Variants in NUGGC observed in about 807,000 individuals in gnomAD.
NUGGC encodes nuclear GTPase, germinal center associated.
A neutral mutation model predicts 92.6 loss-of-function variants in NUGGC; 58 were observed. The observed-to-expected ratio is 0.63, with a 90% CI of 0.51 to 0.78. The LOEUF is 0.78. NUGGC is among the 30% of genes least tolerant of loss of function. The pLI is 0.00. For synonymous variants in NUGGC, 376 were observed against 366.4 expected, an observed-to-expected ratio of 1.03 and a Z score of -0.30; for missense variants, 925 against 964.6, an observed-to-expected ratio of 0.96 and a Z score of 0.54.
intron 8 of NUGGC, among the ~76,000 whole-genome samples, chr8:28,059,813 G>A (rs140363679): frequency 0.018 from 2,675 of 152,152 alleles, 62 homozygotes; most frequent in African/African-American, 0.059. Context: ...CCTGAGGTCC[G>A]GAGTTCAAGA....
At chr8:28,063,941 A>G (rs751059886) in intron 7 of NUGGC, among the ~76,000 whole-genome samples, 47 of 152,094 alleles carry the variant, frequency 3.1e-4, no homozygotes, top group Non-Finnish European at 5.0e-4. Flanking sequence ...CACATGCCCC[A>G]GTCCCTCTCT....
intron 2 of NUGGC, among the ~76,000 whole-genome samples, chr8:28,072,893 A>T (rs952867136): frequency 5.3e-5 from 8 of 151,416 alleles, no homozygotes; most frequent in African/African-American, 1.9e-4. Flanking sequence ...GCGGCAGTCC[A>T]AAAAGCGTAG....
intron 2 of NUGGC, among the ~76,000 whole-genome samples, chr8:28,073,171 T>C (rs540031556): frequency 2.7e-5 from 2 of 75,192 alleles, no homozygotes; most frequent in East Asian, 5.4e-4. Flanking sequence ...CTGGCTAATT[T>C]TTTTTTCTTT....
chr8:28,075,994 G>A (rs146239678), intron 1 of NUGGC, among the ~76,000 whole-genome samples: 33 of 152,250 alleles, frequency 2.2e-4, no homozygotes, highest in African/African-American at 6.7e-4. Flanking sequence ...TCCTGCTCTT[G>A]CTTCAAAATC....
intron 17 of NUGGC, 106 bp downstream of exon 17, chr8:28,029,160 C>T (rs906506373): frequency 8.8e-7 from 1 of 1,140,740 alleles, no homozygotes; most frequent in African/African-American, 1.6e-5. Context: ...AGCATCTGTT[C>T]CATTTGGACC....
intron 1 of NUGGC, among the ~76,000 whole-genome samples, chr8:28,082,950 T>G (rs1389827224): frequency 6.6e-6 from 1 of 152,052 alleles, no homozygotes; most frequent in Non-Finnish European, 1.5e-5. Context: ...AACAGAAAAG[T>G]AAAATTCACT....
At chr8:28,046,859 G>C (rs1307485856) in intron 11 of NUGGC, among the ~76,000 whole-genome samples, 1 of 151,196 alleles carries the variant, frequency 6.6e-6, no homozygotes, top group Non-Finnish European at 1.5e-5. Flanking sequence ...AGTAGAAATG[G>C]GGTTTCACCA....
At chr8:28,066,296 T>A (rs1434612156) in intron 6 of NUGGC, among the ~76,000 whole-genome samples, 1 of 152,192 alleles carries the variant, frequency 6.6e-6, no homozygotes, top group East Asian at 1.9e-4. Context: ...GGGCACTGTA[T>A]TTGTTTGATT....
In NUGGC at chr8:28,060,303, C is replaced by T. The variant is rs777204358; in HGVS notation, c.1097+123G>A. On this transcript the variant is annotated intron_variant, in intron 8 of 18. Coordinates refer to ENST00000413272, the MANE Select transcript of NUGGC (RefSeq NM_001010906.2). ...GTCACCCAGCCTTTTCTTTCCTCCC[C>T]AACAATCACTTCCTGAAGCCCTCTA... 9 of 986,022 alleles carry T rather than the reference C, an allele frequency of 9.1e-6. 1 individual carries two copies. Among genetic ancestry groups the T allele is most frequent in the Middle Eastern group, 4.1e-4 (2 of 4,918 alleles). 61.1% of individuals were successfully genotyped at this position (986,022 alleles called of 1,614,324 possible).
chr8:28,078,881 T>C lies in NUGGC; in HGVS notation c.-46-4425A>G, dbSNP rs144601946. On this transcript the variant is annotated intron_variant, in intron 1 of 18. Coordinates refer to ENST00000413272, the MANE Select transcript of NUGGC (RefSeq NM_001010906.2). ...AAATTTGGTTTCTGTGGAGAAGCAA[T>C]TGATAACAGTCCAAATTTATTGCTC... Among the ~76,000 whole-genome samples the C allele has an allele frequency of 8.1e-4, 124 of 152,340 alleles. 1 individual carries two copies. The East Asian group carries it at 0.018, about 23-fold the overall frequency.
rs11403959 is a variant in NUGGC at position 28,050,810 on chromosome 8, CA to C, written c.1207-3199del. ...TGGGCAACAGAGCCAGGCTCCGTCT[CA>C]AAAAAAAAAAAAAATCATGACCTGA... On this transcript the variant is annotated intron_variant, in intron 10 of 18. Transcript: ENST00000413272. Among the ~76,000 whole-genome samples the C allele has an allele frequency of 9.4e-3, 1,237 of 131,048 alleles. 10 individuals are homozygous for C. Among genetic ancestry groups the C allele is most frequent in the African/African-American group, 0.026 (928 of 36,068 alleles). The allele number at this position is 131,048 out of a possible 152,430, so 86.0% of individuals were successfully genotyped here.
intron 17 of NUGGC, 32 bp from the exon 18 acceptor site, chr8:28,027,084 T>A (rs746347167): frequency 1.3e-6 from 2 of 1,524,972 alleles, no homozygotes; most frequent in African/African-American, 2.7e-5. Context: ...TCTGTTAGGA[T>A]GGTGCAGCCC....
intron 1 of NUGGC, among the ~76,000 whole-genome samples, chr8:28,076,667 G>C (rs868222107): frequency 1.3e-5 from 2 of 152,168 alleles, no homozygotes; most frequent in African/African-American, 4.8e-5. Flanking sequence ...AAATAGTCAA[G>C]TATGCAAATG....
At position 28,068,285 on chromosome 8, in the gene NUGGC, GGAA is replaced by G. The variant is rs1215846508; in HGVS notation, c.408_410del (p.Ser137del). 4 of 1,551,280 alleles carry G rather than the reference GGAA, an allele frequency of 2.6e-6. No homozygotes were observed. In the East Asian group the frequency reaches 9.8e-5, roughly 38 times the overall value. On this transcript the variant is annotated inframe_deletion, in exon 5 of 19. Coordinates refer to ENST00000413272, the MANE Select transcript of NUGGC (RefSeq NM_001010906.2). ...AGCCAGAGCTCACTTGTACAATGCA[GGAA>G]GTACATATGCTTTCTCCAGACACTG...
At chr8:28,058,740 T>C (rs1810215381) in intron 8 of NUGGC, among the ~76,000 whole-genome samples, 1 of 152,054 alleles carries the variant, frequency 6.6e-6, no homozygotes. Context: ...TCTCACTCTG[T>C]TGCCCAGGCT....
chr8:28,040,080 T>C (rs575895467), intron 13 of NUGGC, among the ~76,000 whole-genome samples: 2 of 152,308 alleles, frequency 1.3e-5, no homozygotes, highest in East Asian at 3.9e-4. Context: ...GAACTCACCC[T>C]GCTGACACCT....
At chr8:28,044,836 C>T (rs1205199545) in intron 12 of NUGGC, among the ~76,000 whole-genome samples, 1 of 152,160 alleles carries the variant, frequency 6.6e-6, no homozygotes, top group Non-Finnish European at 1.5e-5. Flanking sequence ...TTCTATCTCT[C>T]ATAAGGAGAC....
intron 11 of NUGGC, among the ~76,000 whole-genome samples, chr8:28,047,063 C>T (rs1207413291): frequency 2.6e-5 from 4 of 151,932 alleles, no homozygotes; most frequent in Non-Finnish European, 5.9e-5. Flanking sequence ...CTCTGCCTCC[C>T]GGGTTCAAGC....
intron 1 of NUGGC, among the ~76,000 whole-genome samples, chr8:28,077,244 A>T (rs1431738681): frequency 6.6e-6 from 1 of 152,136 alleles, no homozygotes; most frequent in Non-Finnish European, 1.5e-5. Context: ...TAACATGAGT[A>T]AATATACCAT....
Sources: gnomAD v4.1 joint callset for allele counts (sites outside exome capture counted in the v4.1 genomes callset) on GRCh38, gnomAD v4.1.1 for gene constraint, MANE v1.5 for transcripts, NCBI Gene and HGNC (gene_info 2026-07-23, HGNC 2026-07-21) for gene names.